Variants in RASEF observed in about 807,000 individuals in gnomAD.
The protein encoded by RASEF is RAS and EF-hand domain containing, also known as ras and EF-hand domain-containing protein.
Under a neutral mutation model 90.1 loss-of-function variants are expected in RASEF, and 68 were observed. The ratio of observed to expected loss-of-function variants is 0.75; its 90% CI spans 0.62 to 0.92. RASEF has a LOEUF of 0.92. Ranked by LOEUF, RASEF falls within the 40% of genes least tolerant of loss-of-function variation. The pLI, the probability that RASEF is intolerant of heterozygous loss-of-function variation, is 0.00. For missense variants in RASEF, 949 were observed against 937.2 expected (o/e 1.01, Z -0.16); for synonymous variants, 331 against 345.2 (o/e 0.96, Z 0.46).
chr9:83,116,070 A>T, the RASEF span, among the ~76,000 whole-genome samples: 2 of 152,204 alleles, frequency 1.3e-5, no homozygotes, highest in African/African-American at 4.8e-5. Context: ...GGCTACAGGG[A>T]TTCTTGGAAC....
chr9:82,993,788 G>T (rs4301515), intron 14 of RASEF, among the ~76,000 whole-genome samples: 79,883 of 151,914 alleles, frequency 0.53, 21,191 homozygotes, highest in East Asian at 0.78. Flanking sequence ...TGTGGCAGAG[G>T]CAAGTCTGAG....
At chr9:83,206,328 C>G in the RASEF span, among the ~76,000 whole-genome samples, 2 of 152,178 alleles carry the variant, frequency 1.3e-5, no homozygotes, top group Admixed American at 1.3e-4. Context: ...ACACAGCATT[C>G]AAACTGGAAA....
chr9:83,102,692 G>A, the RASEF span, among the ~76,000 whole-genome samples: 1 of 152,168 alleles, frequency 6.6e-6, no homozygotes. Context: ...ACAGACATGG[G>A]AGAGGCAGGG....
intron 1 of RASEF, chr9:83,048,799 A>T: frequency 2.1e-6 from 2 of 963,244 alleles, no homozygotes; most frequent in Non-Finnish European, 2.5e-6. Flanking sequence ...CCATTAGAAT[A>T]TTTCTCATAC....
intron 1 of RASEF, among the ~76,000 whole-genome samples, chr9:83,035,356 C>G (rs1443612621): frequency 6.6e-6 from 1 of 152,134 alleles, no homozygotes; most frequent in Non-Finnish European, 1.5e-5. Flanking sequence ...GATAGATGAG[C>G]CTTGCTGTGC....
chr9:83,095,725 G>A, the RASEF span, among the ~76,000 whole-genome samples: 2 of 151,580 alleles, frequency 1.3e-5, no homozygotes, highest in African/African-American at 2.4e-5. Context: ...CATTTATCAC[G>A]TATTTTCTCT....
chr9:83,026,060 G>A, intron 1 of RASEF, 139 bp from the exon 2 acceptor site: 1 of 641,190 alleles, frequency 1.6e-6, no homozygotes, highest in African/African-American at 1.9e-5. Context: ...GGAAGGAAGG[G>A]AAGACAGCAG....
chr9:83,217,926 T>C, the RASEF span, among the ~76,000 whole-genome samples: 1 of 152,198 alleles, frequency 6.6e-6, no homozygotes, highest in Non-Finnish European at 1.5e-5. Flanking sequence ...TCCTCCTAAT[T>C]TATCCAATAA....
chr9:83,165,569 A>T, the RASEF span, among the ~76,000 whole-genome samples: 5 of 152,148 alleles, frequency 3.3e-5, no homozygotes. Context: ...AAAATCAATT[A>T]TCTAAGCTCC....
chr9:83,106,609 A>T, the RASEF span, among the ~76,000 whole-genome samples: 1 of 152,046 alleles, frequency 6.6e-6, no homozygotes, highest in South Asian at 2.1e-4. Context: ...ATCACTCATG[A>T]CCTGATCTTC....
the RASEF span, among the ~76,000 whole-genome samples, chr9:83,118,212 A>G: frequency 6.6e-6 from 1 of 152,174 alleles, no homozygotes; most frequent in Non-Finnish European, 1.5e-5. Flanking sequence ...TAAAGCTTTA[A>G]TGGCTTTGTC....
chr9:83,025,707 T>C (rs1829531873), intron 2 of RASEF, 68 bp downstream of exon 2: 2 of 1,497,976 alleles, frequency 1.3e-6, no homozygotes, highest in African/African-American at 1.4e-5. Flanking sequence ...GTTCAGTCCA[T>C]TTGCCACCCA....
chr9:83,022,455 C>A, intron 2 of RASEF, 29 bp from the exon 3 acceptor site: 2 of 1,475,176 alleles, frequency 1.4e-6, no homozygotes, highest in Non-Finnish European at 1.9e-6. Context: ...CACACCTTTT[C>A]ATTATACTCT....
the RASEF span, among the ~76,000 whole-genome samples, chr9:83,128,426 T>C: frequency 1.3e-5 from 2 of 151,832 alleles, no homozygotes; most frequent in Admixed American, 6.5e-5. Flanking sequence ...ATTTCTACAC[T>C]GTCGTGCCCA....
the RASEF span, among the ~76,000 whole-genome samples, chr9:83,137,076 A>G: frequency 6.6e-6 from 1 of 152,216 alleles, no homozygotes; most frequent in East Asian, 1.9e-4. Context: ...GATTAATTAT[A>G]AAACATGATA....
At chr9:83,001,717 CAAAAT>C (rs1829044068) in intron 9 of RASEF, among the ~76,000 whole-genome samples, 1 of 152,090 alleles carries the variant, frequency 6.6e-6, no homozygotes, top group Admixed American at 6.5e-5. Flanking sequence ...TTGCACAAGA[CAAAAT>C]AAGATAAGCT....
At chr9:83,081,907 T>C in the RASEF span, among the ~76,000 whole-genome samples, 150 of 152,316 alleles carry the variant, frequency 9.8e-4, no homozygotes, top group Admixed American at 2.4e-3. Context: ...ATTAAATGTT[T>C]TATTTAAGAC....
chr9:82,998,623 C>G, intron 12 of RASEF, among the ~76,000 whole-genome samples, 177 bp from the exon 13 acceptor site: 1 of 152,290 alleles, frequency 6.6e-6, no homozygotes, highest in East Asian at 1.9e-4. Flanking sequence ...TCAGACCACA[C>G]GTGTGTGCAG....
the RASEF span, among the ~76,000 whole-genome samples, chr9:83,093,087 A>G: frequency 6.6e-6 from 1 of 152,098 alleles, no homozygotes; most frequent in African/African-American, 2.4e-5. Context: ...TGGTGCGCTC[A>G]CAAACCCTGA....
Sources: gnomAD v4.1 joint callset for allele counts (sites outside exome capture counted in the v4.1 genomes callset) on GRCh38, gnomAD v4.1.1 for gene constraint, MANE v1.5 for transcripts, NCBI Gene and HGNC (gene_info 2026-07-23, HGNC 2026-07-21) for gene names.